CSMD1: variants seen among roughly 807,000 people sequenced by gnomAD.
CSMD1 encodes CUB and Sushi multiple domains 1, also known as CUB and sushi domain-containing protein 1.
CSMD1 carries 213 observed loss-of-function variants against 417.5 expected under a neutral mutation model. The ratio of observed to expected loss-of-function variants is 0.51; its 90% confidence interval spans 0.46 to 0.57. The LOEUF (loss-of-function observed/expected upper bound fraction) is 0.57. Among genes scored for constraint, CSMD1 ranks in the 20% least tolerant of loss-of-function variants. The pLI, the probability that CSMD1 is intolerant of heterozygous loss-of-function variation, is 0.00. For missense variants in CSMD1, 6,923 were observed against 4,529.7 expected, an observed-to-expected ratio of 1.53 and a Z score of -15.17; for synonymous variants, 2,862 against 1,736.8, an observed-to-expected ratio of 1.65 and a Z score of -16.11.
At chr8:4,201,986 G>T (rs975311047) in intron 3 of CSMD1, among the ~76,000 whole-genome samples, 3 of 151,520 alleles carry the variant, frequency 2.0e-5, no homozygotes, top group Non-Finnish European at 2.9e-5. Flanking sequence ...AATCCTACTT[G>T]CATTTTGATG....
At chr8:3,449,989 A>G (rs1390150639) in intron 12 of CSMD1, among the ~76,000 whole-genome samples, 1 of 152,218 alleles carries the variant, frequency 6.6e-6, no homozygotes, top group Non-Finnish European at 1.5e-5. Flanking sequence ...GAAAAGCCAG[A>G]CGGGAGAGAG....
Position 3,032,259 on chromosome 8 carries a change from C to CA in CSMD1, c.7661-2747dup, listed in dbSNP as rs1049887421. 1.4e-3 allele frequency among the ~76,000 whole-genome samples: 212 copies of CA among 151,426 alleles called. 3 individuals are homozygous for CA. The highest frequency in any genetic ancestry group is 1.0e-4 in the Non-Finnish European group (7 of 67,794). ...TTAAGAATGATAGGTAGAGAACATA[C>CA]AAAAAAAACTGAGTTTGAATACTCT... On this transcript the variant is annotated intron_variant, in intron 50 of 69. Coordinates refer to ENST00000635120, the MANE Select transcript of CSMD1 (RefSeq NM_033225.6).
chr8:4,142,227 A>G (rs1023204521), intron 3 of CSMD1, among the ~76,000 whole-genome samples: 1 of 151,256 alleles, frequency 6.6e-6, no homozygotes, highest in Non-Finnish European at 1.5e-5. Context: ...GCCAAATTAT[A>G]GTGATACTTA....
intron 54 of CSMD1, among the ~76,000 whole-genome samples, chr8:2,994,298 T>C (rs1276155377): frequency 1.3e-5 from 2 of 152,142 alleles, no homozygotes; most frequent in African/African-American, 4.8e-5. Flanking sequence ...TGGGTCATTC[T>C]ACGAGACATA....
chr8:4,534,284 A>G (rs1237541619), intron 2 of CSMD1, among the ~76,000 whole-genome samples: 1 of 152,182 alleles, frequency 6.6e-6, no homozygotes, highest in Non-Finnish European at 1.5e-5. Context: ...ATGCTCAAGG[A>G]GGCCAGCCCG....
intron 3 of CSMD1, among the ~76,000 whole-genome samples, chr8:4,156,050 A>T (rs920036889): frequency 6.6e-5 from 10 of 152,236 alleles, no homozygotes; most frequent in African/African-American, 2.4e-4. Context: ...AGCTCCATAG[A>T]TTCCTACAGA....
intron 41 of CSMD1, 31 bp from the exon 42 acceptor site, chr8:3,118,618 T>C (rs1169385408): frequency 1.9e-6 from 3 of 1,595,350 alleles, no homozygotes; most frequent in South Asian, 1.1e-5. Flanking sequence ...AAATAAAGCT[T>C]ATATTTGTGA....
At chr8:4,562,207 C>A (rs1323068677) in intron 2 of CSMD1, among the ~76,000 whole-genome samples, 1 of 152,036 alleles carries the variant, frequency 6.6e-6, no homozygotes, top group Non-Finnish European at 1.5e-5. Context: ...GACACTTGAG[C>A]CAAGTCCTGG....
chr8:3,397,644 C>T (rs138173867), intron 16 of CSMD1, among the ~76,000 whole-genome samples: 147 of 152,280 alleles, frequency 9.7e-4, no homozygotes, highest in Non-Finnish European at 1.8e-3. Context: ...TGTTTGAGTT[C>T]AAATTCAAGA....
intron 1 of CSMD1, among the ~76,000 whole-genome samples, chr8:4,811,985 C>T (rs973775319): frequency 6.6e-6 from 1 of 152,010 alleles, no homozygotes; most frequent in African/African-American, 2.4e-5. Flanking sequence ...AAATAATAAA[C>T]GAAAGACAGA....
At chr8:4,535,215 T>C (rs1211699514) in intron 2 of CSMD1, among the ~76,000 whole-genome samples, 4 of 152,186 alleles carry the variant, frequency 2.6e-5, no homozygotes, top group Admixed American at 2.6e-4. Flanking sequence ...ATCAATAACA[T>C]AGTCAATAAC....
At chr8:4,248,676 C>G (rs1055342667) in intron 3 of CSMD1, among the ~76,000 whole-genome samples, 3 of 152,156 alleles carry the variant, frequency 2.0e-5, no homozygotes, top group Admixed American at 2.0e-4. Flanking sequence ...AGCCTCCTGT[C>G]CTGCCCTAGA....
chr8:3,841,550 A>T (rs527924237), intron 5 of CSMD1, among the ~76,000 whole-genome samples: 2 of 152,288 alleles, frequency 1.3e-5, no homozygotes, highest in East Asian at 3.9e-4. Flanking sequence ...CAAAGCACAT[A>T]TATCAATTAA....
rs748608771 is a variant in CSMD1, at chr8:3,110,343, G to C, written c.6431-8C>G. The C allele has an allele frequency of 6.3e-7, 1 of 1,586,734 alleles. No homozygotes were observed. Among genetic ancestry groups the C allele is most frequent in the East Asian group, 2.3e-5 (1 of 44,256 alleles). On this transcript the variant is annotated splice_polypyrimidine_tract_variant and splice_region_variant and intron_variant, in intron 42 of 69. Coordinates refer to ENST00000635120, the MANE Select transcript of CSMD1 (RefSeq NM_033225.6). The stretch of plus-strand genomic sequence containing the variant: ...CGTTGTACCCACAAGGGGCTGCAAA[G>C]GAAACCAAGAAAAAACAAGCGCCAT...
intron 23 of CSMD1, 123 bp downstream of exon 23, chr8:3,343,171 C>T (rs1404304347): frequency 4.0e-6 from 3 of 745,272 alleles, no homozygotes; most frequent in Non-Finnish European, 4.5e-6. Context: ...CAGAATTAAA[C>T]TGCAATCAAA....
chr8:4,704,850 A>G (rs993942487), intron 1 of CSMD1, among the ~76,000 whole-genome samples: 2 of 152,138 alleles, frequency 1.3e-5, no homozygotes, highest in Non-Finnish European at 2.9e-5. Context: ...TGATGGGGCA[A>G]AACACCCTAG....
At chr8:3,705,561 A>C (rs1292140358) in intron 7 of CSMD1, among the ~76,000 whole-genome samples, 2 of 152,216 alleles carry the variant, frequency 1.3e-5, no homozygotes, top group Non-Finnish European at 2.9e-5. Flanking sequence ...ATAAACAAAC[A>C]AAAATGTCCA....
chr8:4,478,582 A>G (rs1800927751), intron 2 of CSMD1, among the ~76,000 whole-genome samples: 1 of 152,220 alleles, frequency 6.6e-6, no homozygotes, highest in African/African-American at 2.4e-5. Flanking sequence ...AAACGACATT[A>G]ATAATGAAGC....
rs796113895 is a variant in CSMD1 at position 3,842,015 on chromosome 8, A to G, written c.819-87973T>C. On this transcript the variant is annotated intron_variant, in intron 5 of 69. Transcript: ENST00000635120. ...CAGCATCAATTTGTATATCGAGTTA[A>G]AAGCTCCTTTCTTTCTAATGCATAC... 2.0e-5 allele frequency among the ~76,000 whole-genome samples: 3 copies of G among 152,196 alleles called. No homozygotes were observed. In the South Asian group the frequency reaches 6.2e-4, roughly 31 times the overall value.
Sources: gnomAD v4.1 joint callset for allele counts (sites outside exome capture counted in the v4.1 genomes callset) on GRCh38, gnomAD v4.1.1 for gene constraint, MANE v1.5 for transcripts, NCBI Gene and HGNC (gene_info 2026-07-23, HGNC 2026-07-21) for gene names.